ROBO1: variants seen among roughly 807,000 people sequenced by gnomAD.
The protein encoded by ROBO1 is roundabout guidance receptor 1, also known as roundabout homolog 1.
In ROBO1, 149 loss-of-function variants were observed where a neutral mutation model predicts 195.9. The observed-to-expected ratio is 0.76, with a 90% CI of 0.67 to 0.87. The LOEUF is 0.87. ROBO1 is among the 40% of genes least tolerant of loss of function. The probability of loss-of-function intolerance (pLI) is 0.00; values close to 1 mark genes in which losing one functional copy is unlikely to be tolerated. For synonymous variants in ROBO1, 816 were observed against 733.2 expected (o/e 1.11, Z -1.82); for missense variants, 1,933 against 2,068.3 (o/e 0.93, Z 1.27).
At chr3:78,753,529 ATTTGAC>A (rs985819836) in intron 4 of ROBO1, among the ~76,000 whole-genome samples, 2 of 152,058 alleles carry the variant, frequency 1.3e-5, no homozygotes, top group Non-Finnish European at 2.9e-5. Flanking sequence ...TTTTTTTTTA[ATTTGAC>A]TTTAAGTTCT....
At chr3:79,144,811 A>G (rs1024214537) in intron 2 of ROBO1, among the ~76,000 whole-genome samples, 1 of 152,046 alleles carries the variant, frequency 6.6e-6, no homozygotes, top group African/African-American at 2.4e-5. Flanking sequence ...TTAAGTATGC[A>G]AGATCCATCA....
At chr3:78,834,825 T>C (rs2032557112) in intron 4 of ROBO1, among the ~76,000 whole-genome samples, 1 of 152,168 alleles carries the variant, frequency 6.6e-6, no homozygotes, top group Admixed American at 6.5e-5. Flanking sequence ...AAGGATTATA[T>C]TTCCATAATA....
intron 20 of ROBO1, 46 bp downstream of exon 20, chr3:78,647,583 T>C (rs1197981574): frequency 4.5e-6 from 7 of 1,569,676 alleles, no homozygotes; most frequent in Non-Finnish European, 6.1e-6. Flanking sequence ...GTGGAACACA[T>C]GCCAAACTAA....
intron 4 of ROBO1, among the ~76,000 whole-genome samples, chr3:78,803,804 G>A (rs1051026673): frequency 6.6e-6 from 1 of 151,902 alleles, no homozygotes; most frequent in Non-Finnish European, 1.5e-5. Flanking sequence ...AAAAAGCAAA[G>A]GGGATAAGGA....
At chr3:79,441,519 A>T (rs752225409) in intron 2 of ROBO1, among the ~76,000 whole-genome samples, 2 of 152,144 alleles carry the variant, frequency 1.3e-5, no homozygotes, top group Non-Finnish European at 2.9e-5. Flanking sequence ...ATTGGCTAGA[A>T]CATGGAGCTT....
intron 17 of ROBO1, 121 bp from the exon 18 acceptor site, chr3:78,657,390 A>G: frequency 1.1e-6 from 1 of 906,522 alleles, no homozygotes; most frequent in South Asian, 1.9e-5. Context: ...TACCATAAGA[A>G]GTTTCCAAAG....
intron 3 of ROBO1, among the ~76,000 whole-genome samples, chr3:79,013,043 C>G (rs150165603): frequency 6.6e-6 from 1 of 152,006 alleles, no homozygotes; most frequent in South Asian, 2.1e-4. Flanking sequence ...TATTAAGGCT[C>G]AACCCTTCCA....
At chr3:78,676,980 G>A (rs1575908291) in intron 10 of ROBO1, among the ~76,000 whole-genome samples, 1 of 152,144 alleles carries the variant, frequency 6.6e-6, no homozygotes, top group Non-Finnish European at 1.5e-5. Context: ...GGATCTCTCG[G>A]CAGAAACCCT....
chr3:79,734,147 C>CA (rs1298505043), intron 1 of ROBO1, among the ~76,000 whole-genome samples: 6 of 152,024 alleles, frequency 3.9e-5, no homozygotes, highest in Non-Finnish European at 5.9e-5. Context: ...GGGGTTTCAC[C>CA]ATGTTGGTCA....
chr3:78,990,665 T>C (rs962177200), intron 3 of ROBO1, among the ~76,000 whole-genome samples: 2 of 152,200 alleles, frequency 1.3e-5, no homozygotes, highest in Non-Finnish European at 2.9e-5. Context: ...ATGTATATTC[T>C]TTCTCAAATC....
chr3:79,456,317 A>G (rs944393542), intron 2 of ROBO1, among the ~76,000 whole-genome samples: 2 of 152,130 alleles, frequency 1.3e-5, no homozygotes, highest in Non-Finnish European at 2.9e-5. Flanking sequence ...CAGTATGTTC[A>G]CCTAACATCA....
At chr3:79,443,607 A>G (rs1198735393) in intron 2 of ROBO1, among the ~76,000 whole-genome samples, 3 of 152,188 alleles carry the variant, frequency 2.0e-5, no homozygotes, top group African/African-American at 7.2e-5. Context: ...TTACAATGAT[A>G]TCTCAACAAA....
chr3:79,342,910 G>A (rs1490556953), intron 2 of ROBO1, among the ~76,000 whole-genome samples: 1 of 152,064 alleles, frequency 6.6e-6, no homozygotes. Flanking sequence ...CACATGCTAT[G>A]GGTTTGAATA....
At chr3:78,635,342 T>C (rs1205510749) in intron 23 of ROBO1, among the ~76,000 whole-genome samples, 1 of 152,172 alleles carries the variant, frequency 6.6e-6, no homozygotes, top group African/African-American at 2.4e-5. Flanking sequence ...TCAAGTTTAA[T>C]TTAATTATTT....
chr3:79,169,953 G>A (rs76930654), intron 2 of ROBO1, among the ~76,000 whole-genome samples: 20,196 of 152,060 alleles, frequency 0.13, 2,132 homozygotes, highest in African/African-American at 0.29. Flanking sequence ...TCAGAGCTTT[G>A]AAGTACAAAA....
At chr3:78,599,947 A>G in intron 30 of ROBO1, 166 bp downstream of exon 30, 2 of 678,786 alleles carry the variant, frequency 2.9e-6, no homozygotes, top group South Asian at 3.3e-5. Flanking sequence ...ACACATTTCA[A>G]GAAAATTCTC....
chr3:79,764,919 C>A (rs1395470942), intron 1 of ROBO1, among the ~76,000 whole-genome samples: 2 of 152,118 alleles, frequency 1.3e-5, no homozygotes, highest in Non-Finnish European at 2.9e-5. Flanking sequence ...CTTTGGGACT[C>A]CCTAGGCAGC....
At chr3:79,125,904 A>G (rs759607981) in intron 2 of ROBO1, among the ~76,000 whole-genome samples, 5 of 152,014 alleles carry the variant, frequency 3.3e-5, no homozygotes, top group Admixed American at 6.6e-5. Flanking sequence ...TAGCATTGCT[A>G]ATTTTCTACC....
intron 2 of ROBO1, among the ~76,000 whole-genome samples, chr3:79,511,306 T>G (rs1461899245): frequency 1.3e-5 from 2 of 152,162 alleles, no homozygotes; most frequent in African/African-American, 2.4e-5. Flanking sequence ...GAAAATAAGT[T>G]TAAATACTAC....
Sources: gnomAD v4.1 joint callset for allele counts (sites outside exome capture counted in the v4.1 genomes callset) on GRCh38, gnomAD v4.1.1 for gene constraint, MANE v1.5 for transcripts, NCBI Gene and HGNC (gene_info 2026-07-23, HGNC 2026-07-21) for gene names.